The following PSIP1 variants were observed in gnomAD, a reference collection of about 807,000 sequenced individuals.
The protein encoded by PSIP1 is PC4 and SFRS1-interacting protein.
Under a neutral mutation model 74.7 loss-of-function variants are expected in PSIP1, and 19 were observed. The observed-to-expected ratio is 0.25, with a 90% CI of 0.18 to 0.37. PSIP1 has a LOEUF of 0.37. Among genes scored for constraint, PSIP1 ranks in the 10% least tolerant of loss-of-function variants. PSIP1 has a pLI of 1.00. For missense variants in PSIP1, 601 were observed against 614.3 expected (o/e 0.98, Z 0.23); for synonymous variants, 222 against 195.3 (o/e 1.14, Z -1.14).
rs577185259 is a variant in PSIP1 at position 15,508,917 on chromosome 9, G to C, written c.72+1200C>G. Among the ~76,000 whole-genome samples the C allele has an allele frequency of 3.5e-3, 533 of 152,310 alleles. 2 individuals are homozygous for C. Among genetic ancestry groups the C allele is most frequent in the Admixed American group, 5.4e-3 (82 of 15,300 alleles). ...ATATACAGACAAGGATTATGACTAA[G>C]GATTGTTCAAGTAAGACTGCACCGA... On this transcript the variant is annotated intron_variant, in intron 2 of 15. Transcript: ENST00000380733.
At chr9:15,474,710 A>G (rs971047780) in intron 8 of PSIP1, among the ~76,000 whole-genome samples, 2 of 152,188 alleles carry the variant, frequency 1.3e-5, no homozygotes, top group East Asian at 1.9e-4. Context: ...GAAACTACCT[A>G]AACTGCTCAA....
At chr9:15,473,818 T>C (rs929739842) in intron 9 of PSIP1, among the ~76,000 whole-genome samples, 191 bp downstream of exon 9, 2 of 151,280 alleles carry the variant, frequency 1.3e-5, no homozygotes, top group Non-Finnish European at 2.9e-5. Context: ...GGAGAATTAC[T>C]TGAATCCAGG....
At chr9:15,472,229 T>C in intron 10 of PSIP1, 8 of 990,310 alleles carry the variant, frequency 8.1e-6, no homozygotes, top group Non-Finnish European at 9.6e-6. Context: ...TTGCTGGTCT[T>C]TAGGGTGAGG....
chr9:15,483,291 C>G (rs1041361171), intron 6 of PSIP1, among the ~76,000 whole-genome samples: 2 of 152,174 alleles, frequency 1.3e-5, no homozygotes, highest in African/African-American at 4.8e-5. Context: ...ATCCTCTGCA[C>G]TCCCAATAAC....
At chr9:15,510,646 G>A (rs140771136) in intron 1 of PSIP1, among the ~76,000 whole-genome samples, 171 bp downstream of exon 1, 1,764 of 152,176 alleles carry the variant, frequency 0.012, 30 homozygotes, top group African/African-American at 0.038. Flanking sequence ...CAGGGATTCC[G>A]AGAAGCGAGC....
At chr9:15,496,510 T>G (rs1399707262) in intron 3 of PSIP1, among the ~76,000 whole-genome samples, 2 of 152,206 alleles carry the variant, frequency 1.3e-5, no homozygotes, top group African/African-American at 2.4e-5. Flanking sequence ...TAAAATGTAA[T>G]GTTTACATTT....
At chr9:15,473,175 CAAAATTTTATTTTTCTACACAA>C (rs1563869710) in intron 9 of PSIP1, among the ~76,000 whole-genome samples, 1 of 152,108 alleles carries the variant, frequency 6.6e-6, no homozygotes, top group African/African-American at 2.4e-5. Flanking sequence ...AGGCTATACA[CAAAATTTTATTTTTCTACACAA>C]AAGGATACAC....
At chr9:15,499,849 G>A (rs1240704201) in intron 3 of PSIP1, among the ~76,000 whole-genome samples, 2 of 150,064 alleles carry the variant, frequency 1.3e-5, no homozygotes, top group South Asian at 2.1e-4. Context: ...ACTCTAGCCT[G>A]GACCACAGAG....
chr9:15,472,355 C>A, intron 10 of PSIP1: 3 of 1,219,522 alleles, frequency 2.5e-6, no homozygotes, highest in Non-Finnish European at 3.1e-6. Context: ...AGGATGAGTA[C>A]ACTTCTTGCA....
intron 9 of PSIP1, 84 bp downstream of exon 9, chr9:15,473,925 A>AT: frequency 1.3e-6 from 1 of 794,804 alleles, no homozygotes. Flanking sequence ...CAAAAAAAAA[A>AT]ACAAAAAAAA....
Position 15,486,640 on chromosome 9 carries a change from TAAAGATGCA to T in PSIP1, c.393+178_393+186del, listed in dbSNP as rs368236234. On this transcript the variant is annotated intron_variant, in intron 5 of 15. Transcript: ENST00000380733. ...TTCAAATAATAACAGGTATGCATCT[TAAAGATGCA>T]TAAGTTGTTTGACAATACTGTATTT... Among the ~76,000 whole-genome samples, 56 of 152,344 alleles carry T rather than the reference TAAAGATGCA, an allele frequency of 3.7e-4. 1 individual carries two copies. In the East Asian group the frequency reaches 8.9e-3, roughly 24 times the overall value.
intron 3 of PSIP1, among the ~76,000 whole-genome samples, chr9:15,497,760 T>G (rs1430450792): frequency 6.6e-6 from 1 of 152,118 alleles, no homozygotes; most frequent in Non-Finnish European, 1.5e-5. Flanking sequence ...GAGAAATGAA[T>G]TATATTTTAA....
rs985826729 is a variant in PSIP1, at chr9:15,487,298, G to A, written c.289-367C>T. ...CAATCACAGGACAAATGATCCAAGA[G>A]AAATTACAAAACGTAGTTGGGCACT... On this transcript the variant is annotated intron_variant, in intron 4 of 15. Transcript: ENST00000380733. Among the ~76,000 whole-genome samples, 3 of 152,114 alleles carry A rather than the reference G, an allele frequency of 2.0e-5. No homozygotes were observed. In the South Asian group the frequency reaches 6.2e-4, roughly 32 times the overall value.
chr9:15,501,367 C>T lies in PSIP1; in HGVS notation c.149+5194G>A, dbSNP rs191983206. On this transcript the variant is annotated intron_variant, in intron 3 of 15. Coordinates refer to ENST00000380733, the MANE Select transcript of PSIP1 (RefSeq NM_033222.5). ...CAAGGTCCCTGCTGATCCAGCTCTT[C>T]GAGTGTGGGTGAAAAAAAGAGAAAA... Among the ~76,000 whole-genome samples, 16 of 149,658 alleles carry T rather than the reference C, an allele frequency of 1.1e-4. 3 individuals carry two copies. The highest frequency in any genetic ancestry group is 6.0e-4 in the Admixed American group (9 of 14,954).
Position 15,510,278 on chromosome 9 carries a change from C to T in PSIP1, c.-90G>A. On this transcript the variant is annotated 5_prime_UTR_variant, in exon 2 of 16. Coordinates refer to ENST00000380733, the MANE Select transcript of PSIP1 (RefSeq NM_033222.5). Reference sequence around the variant, plus strand: ...ATGCGGGCGGCGGACGCGGGCCCAGCTACCGGGCCCGCGGGCGGGGGAGGA... The same window carrying T: ...ATGCGGGCGGCGGACGCGGGCCCAGTTACCGGGCCCGCGGGCGGGGGAGGA... 1 of 1,096,626 alleles carries T rather than the reference C, an allele frequency of 9.1e-7. No individual in the cohort carries two copies. Among genetic ancestry groups the T allele is most frequent in the South Asian group, 1.6e-5 (1 of 61,762 alleles). 67.9% of individuals were successfully genotyped at this position (1,096,626 alleles called of 1,614,324 possible).
At chr9:15,487,700 G>C (rs2036615168) in intron 4 of PSIP1, among the ~76,000 whole-genome samples, 1 of 152,158 alleles carries the variant, frequency 6.6e-6, no homozygotes, top group African/African-American at 2.4e-5. Context: ...ACACAGTCAA[G>C]GCAATAATGA....
chr9:15,483,167 C>A (rs1207249131), intron 6 of PSIP1, among the ~76,000 whole-genome samples: 2 of 152,166 alleles, frequency 1.3e-5, no homozygotes, highest in African/African-American at 4.8e-5. Context: ...GAGACTGCAT[C>A]TGTAACTTAC....
At chr9:15,465,723 G>A in intron 15 of PSIP1, 143 bp from the exon 16 acceptor site, 1 of 605,118 alleles carries the variant, frequency 1.7e-6, no homozygotes, top group Non-Finnish European at 2.8e-6. Flanking sequence ...CTTGTTATTA[G>A]AACAGTCATT....
intron 10 of PSIP1, 70 bp downstream of exon 10, chr9:15,472,562 G>A: frequency 2.0e-6 from 3 of 1,524,372 alleles, no homozygotes; most frequent in Non-Finnish European, 2.6e-6. Flanking sequence ...GAAAATGAAA[G>A]TCTATTATTT....
Sources: gnomAD v4.1 joint callset for allele counts (sites outside exome capture counted in the v4.1 genomes callset) on GRCh38, gnomAD v4.1.1 for gene constraint, MANE v1.5 for transcripts, NCBI Gene and HGNC (gene_info 2026-07-23, HGNC 2026-07-21) for gene names.